Variants in BMPR2 observed in about 807,000 individuals in gnomAD.
The protein encoded by BMPR2 is bone morphogenetic protein receptor type 2, also known as bone morphogenetic protein receptor type-2.
Under a neutral mutation model 100.8 loss-of-function variants are expected in BMPR2, and 29 were observed. The observed-to-expected ratio is 0.29, with a 90% CI of 0.21 to 0.39. BMPR2 has a LOEUF of 0.39. BMPR2 is among the 10% of genes least tolerant of loss of function. The pLI, the probability that BMPR2 is intolerant of heterozygous loss-of-function variation, is 1.00. For synonymous variants in BMPR2, 382 were observed against 442.3 expected (o/e 0.86, Z 1.71); for missense variants, 1,011 against 1,274.5 (o/e 0.79, Z 3.15).
In BMPR2 at chr2:202,481,446, T is replaced by A. The variant is rs1221215016; in HGVS notation, c.418+13757T>A. 2.0e-5 allele frequency among the ~76,000 whole-genome samples: 3 copies of A among 152,222 alleles called. No homozygotes were observed. The East Asian group carries it at 5.8e-4, about 29-fold the overall frequency. Reference sequence around the variant, plus strand: ...CGCCTGCCTCAGCCTCCCAAAGTGCTGGGATTACAGGCGAGAGACACCGTG... The same window carrying A: ...CGCCTGCCTCAGCCTCCCAAAGTGCAGGGATTACAGGCGAGAGACACCGTG... On this transcript the variant is annotated intron_variant, in intron 3 of 12. Transcript: ENST00000374580.
rs879046807 is a variant in BMPR2, at chr2:202,503,468, G to A, written c.419-10251G>A. On this transcript the variant is annotated intron_variant, in intron 3 of 12. Coordinates refer to ENST00000374580, the MANE Select transcript of BMPR2 (RefSeq NM_001204.7). The surrounding 1 kb of genome is among the most constrained non-coding windows in gnomAD (Gnocchi z 4.0). ...GTTGGGCATGGGCTTGGCGGGCCCC[G>A]CACTCGGAGCAGCCAGCCCCGGGCA... is the stretch of plus-strand genomic sequence containing the variant. Among the ~76,000 whole-genome samples, 1 of 152,228 alleles carries A rather than the reference G, an allele frequency of 6.6e-6. No homozygotes were observed. Among genetic ancestry groups the A allele is most frequent in the African/African-American group, 2.4e-5 (1 of 41,464 alleles).
intron 3 of BMPR2, among the ~76,000 whole-genome samples, chr2:202,483,326 C>T (rs1253811766): frequency 6.6e-6 from 1 of 151,800 alleles, no homozygotes; most frequent in Non-Finnish European, 1.5e-5. Flanking sequence ...TTGATTGTAT[C>T]CATAATGTGC....
chr2:202,421,311 A>G (rs940866490), intron 1 of BMPR2, among the ~76,000 whole-genome samples: 7 of 95,884 alleles, frequency 7.3e-5, no homozygotes, highest in African/African-American at 1.3e-4. Flanking sequence ...CTCCAAAAGG[A>G]AAAAAAAAAA....
Position 202,495,184 on chromosome 2 carries a change from G to A in BMPR2, c.419-18535G>A, listed in dbSNP as rs1213154245. On this transcript the variant is annotated intron_variant, in intron 3 of 12. Transcript: ENST00000374580. The surrounding 1 kb of genome is among the most constrained non-coding windows in gnomAD (Gnocchi z 4.5). Reference sequence around the variant, plus strand: ...TTATCACAAGGACAGAGGGATTTCTGTATCCCAGGGTTTCCTGCCTTGGTG... The same window carrying A: ...TTATCACAAGGACAGAGGGATTTCTATATCCCAGGGTTTCCTGCCTTGGTG... 6.6e-5 allele frequency among the ~76,000 whole-genome samples: 10 copies of A among 152,220 alleles called. No individual in the cohort carries two copies.
At chr2:202,492,712 AAAAAAAAAAAACCAAAAAAAAAAAC>A (rs1692929928) in intron 3 of BMPR2, among the ~76,000 whole-genome samples, 1 of 150,026 alleles carries the variant, frequency 6.7e-6, no homozygotes, top group Admixed American at 6.6e-5. Flanking sequence ...AAAAAAAAAA[AAAAAAAAAAAACCAAAAAAAAAAAC>A]AAAAAGGAAA....
chr2:202,402,849 ATG>A (rs1690794279), intron 1 of BMPR2, among the ~76,000 whole-genome samples: 12 of 144,676 alleles, frequency 8.3e-5, no homozygotes, highest in Non-Finnish European at 1.5e-5. Context: ...TTTTTTTGAG[ATG>A]GAGTTTCGCT....
intron 3 of BMPR2, among the ~76,000 whole-genome samples, chr2:202,507,976 A>G (rs557604687): frequency 1.3e-5 from 2 of 151,864 alleles, no homozygotes; most frequent in African/African-American, 4.8e-5. Context: ...CTGGGATTAT[A>G]GGTGTGAGCC....
chr2:202,524,786 A>AC (rs1687878218), intron 7 of BMPR2, among the ~76,000 whole-genome samples: 1 of 152,068 alleles, frequency 6.6e-6, no homozygotes, highest in Non-Finnish European at 1.5e-5. Context: ...TAATCGCAAC[A>AC]CTTTGGGAGG....
rs762592064 is a variant in BMPR2, at chr2:202,514,991, G to A, written c.621+12G>A. 29 of 1,610,182 alleles carry A rather than the reference G, an allele frequency of 1.8e-5. No homozygotes were observed. The highest frequency in any genetic ancestry group is 6.7e-5 in the African/African-American group (5 of 74,806). On this transcript the variant is annotated intron_variant, in intron 5 of 12. Coordinates refer to ENST00000374580, the MANE Select transcript of BMPR2 (RefSeq NM_001204.7). ...TGAAACTGTTGGAGGTAAGTTTGCC[G>A]TTAGATTATGGACTGTTGTTTCTAC...
intron 3 of BMPR2, among the ~76,000 whole-genome samples, chr2:202,507,718 A>G (rs1687549372): frequency 1.4e-5 from 2 of 141,756 alleles, no homozygotes; most frequent in African/African-American, 2.7e-5. Flanking sequence ...TTTTTTCCTG[A>G]GATGGAGTTT....
chr2:202,407,327 T>C (rs934373924), intron 1 of BMPR2, among the ~76,000 whole-genome samples: 1 of 151,786 alleles, frequency 6.6e-6, no homozygotes, highest in Non-Finnish European at 1.5e-5. Context: ...TCCTGATCCA[T>C]CCTTCTTGGC....
At chr2:202,465,121 C>T (rs1172769718) in intron 2 of BMPR2, 142 bp downstream of exon 2, 3 of 1,088,396 alleles carry the variant, frequency 2.8e-6, no homozygotes, top group Non-Finnish European at 4.0e-6. Flanking sequence ...TGTGGTGGCT[C>T]ATGCCTGTAA....
At chr2:202,421,157 AG>A (rs1263527720) in intron 1 of BMPR2, among the ~76,000 whole-genome samples, 1 of 151,968 alleles carries the variant, frequency 6.6e-6, no homozygotes, top group Non-Finnish European at 1.5e-5. Flanking sequence ...AGGCTGAGAC[AG>A]GAGAATCGCT....
intron 7 of BMPR2, among the ~76,000 whole-genome samples, chr2:202,523,593 C>T (rs747510191): frequency 3.9e-5 from 6 of 151,956 alleles, no homozygotes; most frequent in South Asian, 2.1e-4. Context: ...CACCTGAGGT[C>T]GGGAGTTCAA....
At chr2:202,535,172 T>A (rs1437297321) in intron 9 of BMPR2, among the ~76,000 whole-genome samples, 1 of 114,086 alleles carries the variant, frequency 8.8e-6, no homozygotes, top group Non-Finnish European at 1.8e-5. Flanking sequence ...GCGGCTGGCC[T>A]GGCGGGGGGC....
At position 202,555,632 on chromosome 2, in the gene BMPR2, T is replaced by TA. The variant is rs1085307370; in HGVS notation, c.1968dup (p.Gln657ThrfsTer18). 1 of 1,614,124 alleles carries TA rather than the reference T, an allele frequency of 6.2e-7. No individual in the cohort carries two copies. The highest frequency in any genetic ancestry group is 8.5e-7 in the Non-Finnish European group (1 of 1,180,028). On this transcript the variant is annotated frameshift_variant, in exon 12 of 13. Transcript: ENST00000374580. LOFTEE classifies it high-confidence loss of function. ...TCAATTGGGCCAACCCCTGTCTGCTTACAGCTGACAGAAGAAGACTTGGAA... is the reference window on the plus strand; with the variant it reads ...TCAATTGGGCCAACCCCTGTCTGCTTAACAGCTGACAGAAGAAGACTTGGAA...
intron 1 of BMPR2, among the ~76,000 whole-genome samples, chr2:202,434,688 A>G (rs1574446860): frequency 1.3e-5 from 2 of 148,184 alleles, no homozygotes; most frequent in South Asian, 2.1e-4. Context: ...GGCTGGCACA[A>G]TCTTGGCTCA....
chr2:202,461,151 A>G (rs2105956568), intron 1 of BMPR2, among the ~76,000 whole-genome samples: 1 of 152,180 alleles, frequency 6.6e-6, no homozygotes, highest in South Asian at 2.1e-4. Flanking sequence ...GCCACACCAA[A>G]CTTTTTATAT....
rs1251197443 is a variant in BMPR2, at chr2:202,567,711, G to A, written c.*7765G>A. ...GTTTAAAAAGGCTTGCTGTAAAATG[G>A]TGCGTTATTCCGTTTATTAAAGATC... On this transcript the variant is annotated 3_prime_UTR_variant, in exon 13 of 13. Transcript: ENST00000374580. 1 of 152,554 alleles carries A rather than the reference G, an allele frequency of 6.6e-6. No homozygotes were observed. The highest frequency in any genetic ancestry group is 1.5e-5 in the Non-Finnish European group (1 of 68,034). The allele number at this position is 152,554 out of a possible 1,614,324, so 9.5% of individuals were successfully genotyped here. A position where few individuals can be genotyped will look rare whatever the true frequency, so the allele number is the denominator to read the frequency against.
Sources: gnomAD v4.1 joint callset for allele counts (sites outside exome capture counted in the v4.1 genomes callset) on GRCh38, gnomAD v4.1.1 for gene constraint, Gnocchi (gnomAD v3.1) non-coding constraint, MANE v1.5 for transcripts, NCBI Gene and HGNC (gene_info 2026-07-23, HGNC 2026-07-21) for gene names.